TDRD9: variants seen among roughly 807,000 people sequenced by gnomAD.
TDRD9 encodes tudor domain containing 9, also known as ATP-dependent RNA helicase TDRD9.
A neutral mutation model predicts 172.6 loss-of-function variants in TDRD9; 124 were observed. The ratio of observed to expected loss-of-function variants is 0.72; its 90% CI spans 0.62 to 0.83. The LOEUF (loss-of-function observed/expected upper bound fraction) is 0.83. Ranked by LOEUF, TDRD9 falls within the 40% of genes least tolerant of loss-of-function variation. The pLI is 0.00. For missense variants in TDRD9, 1,479 were observed against 1,714.1 expected, an observed-to-expected ratio of 0.86 and a Z score of 2.42; for synonymous variants, 619 against 617.1, an observed-to-expected ratio of 1.00 and a Z score of -0.05.
At chr14:103,978,256 G>A (rs2033335226) in intron 7 of TDRD9, among the ~76,000 whole-genome samples, 1 of 151,890 alleles carries the variant, frequency 6.6e-6, no homozygotes, top group Non-Finnish European at 1.5e-5. Flanking sequence ...ACATCACTTT[G>A]GGTAGTATAG....
intron 8 of TDRD9, among the ~76,000 whole-genome samples, chr14:103,990,452 C>T (rs545854492): frequency 1.1e-4 from 17 of 152,224 alleles, no homozygotes; most frequent in Non-Finnish European, 2.2e-4. Context: ...CCATTACTTC[C>T]CCAGAGAGGC....
intron 34 of TDRD9, among the ~76,000 whole-genome samples, chr14:104,043,481 G>A (rs1313362755): frequency 6.6e-6 from 1 of 151,992 alleles, no homozygotes; most frequent in Non-Finnish European, 1.5e-5. Context: ...CGATCCACCC[G>A]CTTCAGCCTC....
intron 20 of TDRD9, 136 bp downstream of exon 20, chr14:104,008,602 T>A (rs1261873099): frequency 1.6e-6 from 1 of 622,148 alleles, no homozygotes; most frequent in Non-Finnish European, 2.8e-6. Flanking sequence ...TGTTTCCAGC[T>A]TTAGTAGGAG....
At chr14:103,957,649 C>T (rs544903425) in intron 2 of TDRD9, among the ~76,000 whole-genome samples, 3 of 152,074 alleles carry the variant, frequency 2.0e-5, no homozygotes, top group Non-Finnish European at 4.4e-5. Context: ...AGGAAGTAGC[C>T]GTATGTGTTA....
intron 7 of TDRD9, among the ~76,000 whole-genome samples, chr14:103,977,360 G>A (rs932778955): frequency 1.3e-5 from 2 of 151,856 alleles, no homozygotes; most frequent in African/African-American, 4.8e-5. Context: ...GGGCGTGGCG[G>A]CAGGTGCCTG....
At chr14:103,977,563 G>C (rs2033300722) in intron 7 of TDRD9, among the ~76,000 whole-genome samples, 1 of 147,670 alleles carries the variant, frequency 6.8e-6, no homozygotes, top group South Asian at 2.1e-4. Flanking sequence ...GTATATTCTG[G>C]GTATTAATCC....
At chr14:103,938,443 T>TA (rs2030952713) in intron 1 of TDRD9, among the ~76,000 whole-genome samples, 1 of 107,410 alleles carries the variant, frequency 9.3e-6, no homozygotes, top group Non-Finnish European at 1.9e-5. Context: ...TATATATATT[T>TA]TTTTTTTTTT....
Position 104,034,044 on chromosome 14 carries a change from A to G in TDRD9, c.3594A>G (p.Ala1198=). The change falls in exon 31 of 36, where the codon GCA becomes GCG. Residue 1198 remains alanine (A), a synonymous_variant. Coordinates refer to ENST00000409874, the MANE Select transcript of TDRD9 (RefSeq NM_153046.3). ...ACCTTCACCAGAGAATGCTGGTTGC[A>G]GCTTCCCTTTCCATCAATGCGACTG... ...PEDLHQRMLV[A]ASLSINATGS... 1 of 1,550,130 alleles carries G rather than the reference A, an allele frequency of 6.5e-7. No individual in the cohort carries two copies. Among genetic ancestry groups the G allele is most frequent in the African/African-American group, 1.4e-5 (1 of 73,078 alleles).
intron 2 of TDRD9, among the ~76,000 whole-genome samples, 190 bp from the exon 3 acceptor site, chr14:103,962,889 T>C (rs10131792): frequency 0.045 from 6,885 of 152,210 alleles, 311 homozygotes; most frequent in Admixed American, 0.16. Context: ...CATTGATGGA[T>C]ACCTATGTTC....
chr14:103,939,743 G>GTTTTTTTTTTTTTTTTTTTTTTT (rs371934680), intron 1 of TDRD9: 2 of 17,434 alleles, frequency 1.1e-4, no homozygotes, highest in Non-Finnish European at 2.4e-4. Context: ...GAAAAAAAGT[G>GTTTTTTTTTTTTTTTTTTTTTTT]TTTTTTTTTT....
At position 104,026,747 on chromosome 14, in the gene TDRD9, TGACGGG is replaced by T; in HGVS notation, c.3092_3097del (p.Asp1031_Gly1032del). On this transcript the variant is annotated inframe_deletion, in exon 28 of 36. Transcript: ENST00000409874. ...CTCTTGTTTGTGGCAAGCACTGGAG[TGACGGG>T]GCCAGCCAGTGGTTCGCCTCTCTGG... 4 of 1,613,900 alleles carry T rather than the reference TGACGGG, an allele frequency of 2.5e-6. No individual in the cohort carries two copies. The highest frequency in any genetic ancestry group is 3.4e-6 in the Non-Finnish European group (4 of 1,179,866).
At chr14:103,930,720 A>G (rs1159513634) in intron 1 of TDRD9, among the ~76,000 whole-genome samples, 1 of 152,080 alleles carries the variant, frequency 6.6e-6, no homozygotes, top group Non-Finnish European at 1.5e-5. Flanking sequence ...TACTCTGGTA[A>G]ATGATCCTGT....
At chr14:103,957,838 T>C (rs75510510) in intron 2 of TDRD9, among the ~76,000 whole-genome samples, 3,529 of 152,344 alleles carry the variant, frequency 0.023, 79 homozygotes, top group East Asian at 0.071. Context: ...ATTACCACTC[T>C]TTAGGACTAG....
In TDRD9 at chr14:103,989,857, A is replaced by G. The variant is rs1049181052; in HGVS notation, c.1116-1303A>G. On this transcript the variant is annotated intron_variant, in intron 8 of 35. Coordinates refer to ENST00000409874, the MANE Select transcript of TDRD9 (RefSeq NM_153046.3). ...TGGAGAAGGAGGCTGGGTCACGTCC[A>G]CAGGCAGGGCCTCTTGCCCGTCTGG... Among the ~76,000 whole-genome samples the G allele has an allele frequency of 3.3e-5, 5 of 152,256 alleles. No homozygotes were observed. The South Asian group carries it at 6.2e-4, about 19-fold the overall frequency.
At chr14:103,971,046 T>A (rs1054995706) in intron 6 of TDRD9, among the ~76,000 whole-genome samples, 33 of 151,506 alleles carry the variant, frequency 2.2e-4, no homozygotes, top group African/African-American at 7.3e-4. Context: ...TGCAGTGGCG[T>A]GATCTCGGCT....
intron 9 of TDRD9, among the ~76,000 whole-genome samples, chr14:103,992,758 C>T (rs2033914185): frequency 6.6e-6 from 1 of 151,804 alleles, no homozygotes; most frequent in Admixed American, 6.6e-5. Context: ...CTCATCTTTA[C>T]TGAAAATACA....
Position 104,014,833 on chromosome 14 carries a change from A to G in TDRD9, c.2215A>G (p.Ile739Val), listed in dbSNP as rs1251303015. Reference protein sequence around the residue: ...DQEYIYKQRFILQVVLAGAFY... With the variant: ...DQEYIYKQRFVLQVVLAGAFY... ...AGAGTATATATATAAGCAGCGATTC[A>G]TCCTACAGGTGTGCTGAAGTTTCCT... is the stretch of plus-strand genomic sequence containing the variant. Residue 739 changes from isoleucine to valine, a missense_variant, in exon 21 of 36, where the codon ATC (isoleucine) becomes GTC (valine). Transcript: ENST00000409874. 3 of 1,586,612 alleles carry G rather than the reference A, an allele frequency of 1.9e-6. No individual in the cohort carries two copies. The highest frequency in any genetic ancestry group is 2.6e-6 in the Non-Finnish European group (3 of 1,160,294).
intron 1 of TDRD9, among the ~76,000 whole-genome samples, chr14:103,953,650 A>G (rs946863601): frequency 2.6e-5 from 4 of 152,140 alleles, no homozygotes; most frequent in Non-Finnish European, 5.9e-5. Flanking sequence ...AACCAGGGTA[A>G]CTGATGCTGT....
chr14:104,020,677 C>T (rs768712679), intron 23 of TDRD9, among the ~76,000 whole-genome samples: 2 of 152,144 alleles, frequency 1.3e-5, no homozygotes, highest in Non-Finnish European at 2.9e-5. Flanking sequence ...CTCCACACAC[C>T]TCCCCTGCTG....
Sources: allele counts gnomAD v4.1 joint callset (sites outside exome capture counted in the v4.1 genomes callset), GRCh38; gene constraint gnomAD v4.1.1; transcripts MANE v1.5; gene names NCBI Gene and HGNC (gene_info 2026-07-23, HGNC 2026-07-21).